Variants in EPHA7 observed in about 807,000 individuals in gnomAD.
EPHA7 encodes EPH receptor A7, also known as ephrin type-A receptor 7.
A neutral mutation model predicts 112.6 loss-of-function variants in EPHA7; 25 were observed. The ratio of observed to expected loss-of-function variants is 0.22; its 90% CI spans 0.16 to 0.31. EPHA7 has a LOEUF of 0.31. Among genes scored for constraint, EPHA7 ranks in the 10% least tolerant of loss-of-function variants. The pLI, the probability that EPHA7 is intolerant of heterozygous loss-of-function variation, is 1.00. For missense variants in EPHA7, 962 were observed against 1,212.6 expected, an observed-to-expected ratio of 0.79 and a Z score of 3.07; for synonymous variants, 437 against 406.5, an observed-to-expected ratio of 1.07 and a Z score of -0.90.
intron 3 of EPHA7, among the ~76,000 whole-genome samples, chr6:93,377,802 C>G (rs534974610): frequency 6.6e-6 from 1 of 152,130 alleles, no homozygotes; most frequent in Admixed American, 6.6e-5. Context: ...TGTGTCAAAT[C>G]GTTATCATAC....
chr6:93,311,135 T>C (rs1773518729), intron 5 of EPHA7, among the ~76,000 whole-genome samples: 1 of 117,696 alleles, frequency 8.5e-6, no homozygotes, highest in Admixed American at 8.7e-5. Context: ...TTTTTTTTTT[T>C]TTTTTTACAG....
chr6:93,380,016 A>G lies in EPHA7; in HGVS notation c.833-21605T>C, dbSNP rs375593684. ...CTTTGTTTGTTTTTAACATTCCTCC[A>G]TACTAACTAAAGCACCCTGATTTAG... On this transcript the variant is annotated intron_variant, in intron 3 of 16. Transcript: ENST00000369303. Among the ~76,000 whole-genome samples the G allele has an allele frequency of 1.6e-4, 25 of 152,218 alleles. No homozygotes were observed. The East Asian group carries it at 4.4e-3, about 27-fold the overall frequency.
At chr6:93,341,707 C>T (rs1314182290) in intron 5 of EPHA7, among the ~76,000 whole-genome samples, 1 of 151,748 alleles carries the variant, frequency 6.6e-6, no homozygotes, top group South Asian at 2.1e-4. Flanking sequence ...AAACTTACAC[C>T]AGCAAACTGA....
intron 5 of EPHA7, among the ~76,000 whole-genome samples, chr6:93,320,678 TAAAG>T (rs1183730612): frequency 2.0e-5 from 3 of 151,946 alleles, no homozygotes; most frequent in African/African-American, 7.2e-5. Context: ...TATTTCATAA[TAAAG>T]AAATTTATTG....
chr6:93,370,606 C>CT (rs1253049863), intron 3 of EPHA7, among the ~76,000 whole-genome samples: 1 of 152,168 alleles, frequency 6.6e-6, no homozygotes, highest in South Asian at 2.1e-4. Context: ...GATATTACAT[C>CT]TTTTGTTTTC....
rs1364947438 is a variant in EPHA7 at position 93,388,235 on chromosome 6, T to G, written c.832+22266A>C. Among the ~76,000 whole-genome samples, 5 of 152,138 alleles carry G rather than the reference T, an allele frequency of 3.3e-5. No homozygotes were observed. The East Asian group carries it at 9.7e-4, about 29-fold the overall frequency. On this transcript the variant is annotated intron_variant, in intron 3 of 16. Transcript: ENST00000369303. ...ATAATTTAATGACATAATTTAAGAG[T>G]TTCAATGACATTTCACCATAAGGAT...
At chr6:93,322,093 G>C (rs1320477375) in intron 5 of EPHA7, among the ~76,000 whole-genome samples, 2 of 151,744 alleles carry the variant, frequency 1.3e-5, no homozygotes, top group South Asian at 2.1e-4. Flanking sequence ...CATAAGCTAA[G>C]CACACAGGCT....
At chr6:93,387,014 G>A (rs1777640196) in intron 3 of EPHA7, among the ~76,000 whole-genome samples, 1 of 152,038 alleles carries the variant, frequency 6.6e-6, no homozygotes, top group South Asian at 2.1e-4. Context: ...ACATACCCTG[G>A]AGACATTTTC....
At chr6:93,317,496 A>G (rs926572304) in intron 5 of EPHA7, among the ~76,000 whole-genome samples, 2 of 152,170 alleles carry the variant, frequency 1.3e-5, no homozygotes, top group Non-Finnish European at 2.9e-5. Context: ...TAATTCTCAG[A>G]TACATTTTTC....
rs1013112133 is a variant in EPHA7 at position 93,243,269 on chromosome 6, T to C, written c.*157A>G. On this transcript the variant is annotated 3_prime_UTR_variant, in exon 17 of 17. Transcript: ENST00000369303. ...CCCTTTTTATATATTCTGGTGGCAC[T>C]TAGGAGTTCAAGTCTATAGGTGCTT... 5.0e-5 allele frequency: 25 copies of C among 495,128 alleles called. No homozygotes were observed. Among genetic ancestry groups the C allele is most frequent in the Middle Eastern group, 6.0e-4 (2 of 3,340 alleles). The allele number at this position is 495,128 out of a possible 1,614,324, so 30.7% of individuals were successfully genotyped here. A position where few individuals can be genotyped will look rare whatever the true frequency, so the allele number is the denominator to read the frequency against.
chr6:93,329,145 TA>T (rs1278563287), intron 5 of EPHA7, among the ~76,000 whole-genome samples: 1 of 151,448 alleles, frequency 6.6e-6, no homozygotes, highest in Non-Finnish European at 1.5e-5. Flanking sequence ...TTAAGAATTT[TA>T]TATTTTAGTG....
chr6:93,362,134 T>A (rs1776291279), intron 3 of EPHA7, among the ~76,000 whole-genome samples: 1 of 152,016 alleles, frequency 6.6e-6, no homozygotes, highest in African/African-American at 2.4e-5. Context: ...ATAAGCTCAT[T>A]ATCCTAGAGT....
intron 5 of EPHA7, among the ~76,000 whole-genome samples, chr6:93,299,774 C>A (rs1772876869): frequency 1.3e-5 from 2 of 152,120 alleles, no homozygotes; most frequent in African/African-American, 4.8e-5. Context: ...ACATATACAC[C>A]ATGGAATACT....
At chr6:93,340,419 G>A (rs1023349617) in intron 5 of EPHA7, among the ~76,000 whole-genome samples, 4 of 151,716 alleles carry the variant, frequency 2.6e-5, no homozygotes, top group African/African-American at 7.3e-5. Context: ...TAGAATACCC[G>A]ATCTGAAAAT....
At chr6:93,404,379 G>C (rs1238616993) in intron 3 of EPHA7, among the ~76,000 whole-genome samples, 5 of 151,842 alleles carry the variant, frequency 3.3e-5, no homozygotes, top group African/African-American at 1.2e-4. Context: ...GTTCATAAAA[G>C]ACTTTGCAAT....
At chr6:93,360,659 C>T (rs934203859) in intron 3 of EPHA7, among the ~76,000 whole-genome samples, 4 of 152,038 alleles carry the variant, frequency 2.6e-5, no homozygotes, top group Non-Finnish European at 5.9e-5. Flanking sequence ...ATTCCTTGCT[C>T]AACTTACATG....
At chr6:93,407,342 C>G (rs1246131277) in intron 3 of EPHA7, among the ~76,000 whole-genome samples, 1 of 151,954 alleles carries the variant, frequency 6.6e-6, no homozygotes, top group Admixed American at 6.6e-5. Context: ...AATTTGTTTT[C>G]AAACTCTTAA....
chr6:93,324,783 A>G (rs1476753659), intron 5 of EPHA7, among the ~76,000 whole-genome samples: 1 of 151,442 alleles, frequency 6.6e-6, no homozygotes, highest in Non-Finnish European at 1.5e-5. Context: ...AACAAACATA[A>G]AAGCATTGAG....
chr6:93,284,393 G>A (rs1771952685), intron 5 of EPHA7, among the ~76,000 whole-genome samples: 1 of 150,992 alleles, frequency 6.6e-6, no homozygotes, highest in Non-Finnish European at 1.5e-5. Flanking sequence ...TCCTACAAGG[G>A]GAAGAAGAAA....
Sources: allele counts gnomAD v4.1 joint callset (sites outside exome capture counted in the v4.1 genomes callset), GRCh38; gene constraint gnomAD v4.1.1; transcripts MANE v1.5; gene names NCBI Gene and HGNC (gene_info 2026-07-23, HGNC 2026-07-21).